The following MAP7D1 variants were observed in gnomAD, a reference collection of about 807,000 sequenced individuals.
The protein encoded by MAP7D1 is MAP7 domain containing 1.
A neutral mutation model predicts 97.5 loss-of-function variants in MAP7D1; 30 were observed. The ratio of observed to expected loss-of-function variants is 0.31; its 90% CI spans 0.23 to 0.42. MAP7D1 has a LOEUF of 0.42. MAP7D1 is among the 10% of genes least tolerant of loss of function. The pLI, the probability that MAP7D1 is intolerant of heterozygous loss-of-function variation, is 1.00. For synonymous variants in MAP7D1, 536 were observed against 477.1 expected (o/e 1.12, Z -1.61); for missense variants, 1,184 against 1,179.5 (o/e 1.00, Z -0.06).
At position 36,178,910 on chromosome 1, in the gene MAP7D1, G is replaced by A; in HGVS notation, c.2026-11G>A. ...AGTCAAGTGCCCCACGCTCATGGGG[G>A]TCTTTGGCAGAAAGAGGAGGCCGAA... On this transcript the variant is annotated splice_polypyrimidine_tract_variant and intron_variant, in intron 11 of 16. Coordinates refer to ENST00000474796, the MANE Select transcript of MAP7D1 (RefSeq NM_001388490.1). The A allele has an allele frequency of 6.4e-7, 1 of 1,552,622 alleles. No individual in the cohort carries two copies. The highest frequency in any genetic ancestry group is 8.7e-7 in the Non-Finnish European group (1 of 1,147,846).
chr1:36,176,503 C>T lies in MAP7D1; in HGVS notation c.1155C>T (p.Ala385=), dbSNP rs1393677239. The T allele has an allele frequency of 3.6e-6, 5 of 1,376,086 alleles. No individual in the cohort carries two copies. Among genetic ancestry groups the T allele is most frequent in the African/African-American group, 3.1e-5 (2 of 63,990 alleles). The allele number at this position is 1,376,086 out of a possible 1,614,324, so 85.2% of individuals were successfully genotyped here. ...GAAGCGTGCACCGCTGCGCCCCCGCCGGTGAGCGCGGGGAGCGCCGCAAGC... is the reference window on the plus strand; with the variant it reads ...GAAGCGTGCACCGCTGCGCCCCCGCTGGTGAGCGCGGGGAGCGCCGCAAGC... The part of the protein sequence containing the change: ...VTRSVHRCAP[A]GERGERRKPN... The change falls in exon 7 of 17, where the codon GCC becomes GCT. Residue 385 remains alanine, a synonymous_variant. Transcript: ENST00000474796. The surrounding 1 kb of genome is among the most constrained non-coding windows in gnomAD (Gnocchi z 6.1).
Position 36,156,243 on chromosome 1 carries a change from C to T in MAP7D1, c.-175C>T, listed in dbSNP as rs377681961. 455 of 461,814 alleles carry T rather than the reference C, an allele frequency of 9.9e-4. 10 individuals are homozygous for T. The East Asian group carries it at 0.013, about 13-fold the overall frequency. 28.6% of individuals were successfully genotyped at this position (461,814 alleles called of 1,614,324 possible). On this transcript the variant is annotated 5_prime_UTR_variant, in exon 1 of 17. Transcript: ENST00000474796. ...CCGAGAGACCCCGGGCGACCGGCAC[C>T]TCCGAGACTCGCGGGCCACCTGCCT...
intron 9 of MAP7D1, 46 bp downstream of exon 9, chr1:36,178,247 G>C (rs1644659790): frequency 6.7e-7 from 1 of 1,497,012 alleles, no homozygotes; most frequent in Non-Finnish European, 8.9e-7. Context: ...AGAGAAGCCA[G>C]CTTCTCCTGT....
chr1:36,169,245 C>G (rs1225512999), intron 1 of MAP7D1, among the ~76,000 whole-genome samples: 1 of 131,964 alleles, frequency 7.6e-6, no homozygotes, highest in Non-Finnish European at 1.6e-5. Context: ...GAGCAAGGCT[C>G]TGTCTTGAAA....
rs780468301 is a variant in MAP7D1, at chr1:36,176,144, T to G, written c.851-55T>G. 1 of 1,584,194 alleles carries G rather than the reference T, an allele frequency of 6.3e-7. No individual in the cohort carries two copies. Among genetic ancestry groups the G allele is most frequent in the Non-Finnish European group, 8.5e-7 (1 of 1,170,420 alleles). Reference sequence around the variant, plus strand: ...GTGCCTGGTCTGCTCCCTTGCCTCTTCCTGCCTCCTACGGCCCCCACGGTG... The same window carrying G: ...GTGCCTGGTCTGCTCCCTTGCCTCTGCCTGCCTCCTACGGCCCCCACGGTG... On this transcript the variant is annotated intron_variant, in intron 6 of 16. Coordinates refer to ENST00000474796, the MANE Select transcript of MAP7D1 (RefSeq NM_001388490.1). This position sits in a 1 kb window ranked among gnomAD's most constrained non-coding sequence, Gnocchi z 6.1.
intron 2 of MAP7D1, 86 bp downstream of exon 2, chr1:36,171,401 G>T (rs981977060): frequency 1.3e-6 from 2 of 1,547,952 alleles, no homozygotes; most frequent in East Asian, 4.6e-5. Context: ...AGTCCTGTTT[G>T]CCCTAGAGGA....
chr1:36,179,224 C>T, intron 12 of MAP7D1, 38 bp from the exon 13 acceptor site: 1 of 1,608,416 alleles, frequency 6.2e-7, no homozygotes, highest in Non-Finnish European at 8.5e-7. Flanking sequence ...GGATTAGGGG[C>T]GGGGCTCGAG....
intron 14 of MAP7D1, 22 bp from the exon 15 acceptor site, chr1:36,179,644 G>T (rs776294672): frequency 6.5e-7 from 1 of 1,540,936 alleles, no homozygotes; most frequent in Non-Finnish European, 8.8e-7. Flanking sequence ...CCTGGCTGAT[G>T]GCCCCTCTTT....
Position 36,171,133 on chromosome 1 carries a change from G to A in MAP7D1, c.209G>A (p.Ser70Asn), listed in dbSNP as rs772197727. The change falls in exon 2 of 17, where the codon AGC becomes AAC. Residue 70 changes from serine (S) to asparagine (N), a missense_variant. Ser to Asn is a conservative substitution (Grantham distance 46). Coordinates refer to ENST00000474796, the MANE Select transcript of MAP7D1 (RefSeq NM_001388490.1). ...AAGCAGCTCCCACTGGAACCAGAGA[G>A]CCCCTCAGGGCAGGTCGGGCCTAGG... ...SSKQLPLEPE[S>N]PSGQVGPRPA... is the part of the protein sequence containing the mutation. The A allele has an allele frequency of 1.9e-6, 3 of 1,613,836 alleles. No homozygotes were observed. Among genetic ancestry groups the A allele is most frequent in the Non-Finnish European group, 2.5e-6 (3 of 1,179,968 alleles).
At chr1:36,170,284 G>A (rs987581580) in intron 1 of MAP7D1, among the ~76,000 whole-genome samples, 3 of 152,158 alleles carry the variant, frequency 2.0e-5, no homozygotes, top group East Asian at 1.9e-4. Context: ...CAGAAATTTC[G>A]GTGTGGCTTG....
chr1:36,172,777 T>C, intron 4 of MAP7D1, 150 bp downstream of exon 4: 1 of 949,360 alleles, frequency 1.1e-6, no homozygotes, highest in Non-Finnish European at 1.5e-6. Flanking sequence ...TGTCCCTGTG[T>C]TAGAATATCT....
At chr1:36,160,312 A>T (rs1644390144) in intron 1 of MAP7D1, among the ~76,000 whole-genome samples, 1 of 152,206 alleles carries the variant, frequency 6.6e-6, no homozygotes, top group South Asian at 2.1e-4. Context: ...GGGAGCAGAG[A>T]GCCTGGGAGG....
rs753970454 is a variant in MAP7D1, at chr1:36,176,537, G to A, written c.1189G>A (p.Gly397Arg). Reference protein sequence around the residue: ...ERGERRKPNAGGSPAPVRRRP... With the variant: ...ERGERRKPNARGSPAPVRRRP... ...CGGGGAGCGCCGCAAGCCCAACGCCGGGGGCAGCCCCGCTCCGGTGCGCCG... is the reference window on the plus strand; with the variant it reads ...CGGGGAGCGCCGCAAGCCCAACGCCAGGGGCAGCCCCGCTCCGGTGCGCCG... Residue 397 changes from glycine to arginine, a missense_variant, in exon 7 of 17, where the codon GGG (glycine) becomes AGG (arginine). By Grantham distance (125) the Gly-to-Arg change is moderately radical. Coordinates refer to ENST00000474796, the MANE Select transcript of MAP7D1 (RefSeq NM_001388490.1). The surrounding 1 kb of genome is among the most constrained non-coding windows in gnomAD (Gnocchi z 6.1). The A allele has an allele frequency of 1.1e-5, 15 of 1,401,408 alleles. No individual in the cohort carries two copies. Among genetic ancestry groups the A allele is most frequent in the Non-Finnish European group, 1.4e-5 (15 of 1,078,600 alleles). The allele number at this position is 1,401,408 out of a possible 1,614,324, so 86.8% of individuals were successfully genotyped here. A position where few individuals can be genotyped will look rare whatever the true frequency, so the allele number is the denominator to read the frequency against.
intron 1 of MAP7D1, among the ~76,000 whole-genome samples, chr1:36,165,853 C>T (rs947662658): frequency 6.6e-6 from 1 of 151,614 alleles, no homozygotes; most frequent in African/African-American, 2.4e-5. Flanking sequence ...GCCTCAGCCT[C>T]CCGAGTAGCT....
intron 13 of MAP7D1, 38 bp downstream of exon 13, chr1:36,179,353 G>A (rs1644682326): frequency 6.2e-7 from 1 of 1,612,054 alleles, no homozygotes; most frequent in African/African-American, 1.3e-5. Flanking sequence ...GGGCGTGGGG[G>A]GCAGGGTGTG....
rs138246863 is a variant in MAP7D1 at position 36,157,977 on chromosome 1, C to T, written c.46+1514C>T. Among the ~76,000 whole-genome samples the T allele has an allele frequency of 5.2e-3, 793 of 152,262 alleles. 8 individuals are homozygous for T. Among genetic ancestry groups the T allele is most frequent in the African/African-American group, 0.016 (674 of 41,536 alleles). On this transcript the variant is annotated intron_variant, in intron 1 of 16. Transcript: ENST00000474796. ...TGAGTCCAACCTCAGCTTACTGGCC[C>T]TCTGCACCTGAGGGCCTCTGGCACT... is the stretch of plus-strand genomic sequence containing the variant.
chr1:36,161,910 T>TGTGTGTGTGTGTGA (rs750232866), intron 1 of MAP7D1, among the ~76,000 whole-genome samples: 6 of 105,548 alleles, frequency 5.7e-5, no homozygotes, highest in African/African-American at 1.8e-4. Context: ...TGTGTGTGTG[T>TGTGTGTGTGTGTGA]GAGAGAGAGA....
At chr1:36,158,399 A>G (rs1432043139) in intron 1 of MAP7D1, among the ~76,000 whole-genome samples, 1 of 152,060 alleles carries the variant, frequency 6.6e-6, no homozygotes, top group Non-Finnish European at 1.5e-5. Context: ...ACACTCCGAG[A>G]GCATGTGACA....
chr1:36,162,206 C>A (rs1204757376), intron 1 of MAP7D1, among the ~76,000 whole-genome samples: 1 of 152,176 alleles, frequency 6.6e-6, no homozygotes, highest in Non-Finnish European at 1.5e-5. Context: ...CCAGCCCTCA[C>A]CCAGGCACTC....
Sources: allele counts gnomAD v4.1 joint callset (sites outside exome capture counted in the v4.1 genomes callset), GRCh38; gene constraint gnomAD v4.1.1; non-coding constraint Gnocchi (gnomAD v3.1); transcripts MANE v1.5; gene names NCBI Gene and HGNC (gene_info 2026-07-23, HGNC 2026-07-21).